The following ARL15 variants were observed in gnomAD, a reference collection of about 807,000 sequenced individuals.
The protein encoded by ARL15 is ARF like GTPase 15.
ARL15 carries 19 observed loss-of-function variants against 25.2 expected under a neutral mutation model. The observed-to-expected ratio is 0.75, with a 90% CI of 0.53 to 1.10. ARL15 has a LOEUF of 1.10. Ranked by LOEUF, ARL15 falls within the 50% of genes least tolerant of loss-of-function variation. The pLI is 0.00. For missense variants in ARL15, 220 were observed against 246.0 expected (o/e 0.89, Z 0.71); for synonymous variants, 94 against 86.8 (o/e 1.08, Z -0.46).
intron 1 of ARL15, among the ~76,000 whole-genome samples, chr5:54,207,439 C>T (rs1375059908): frequency 6.6e-6 from 1 of 152,196 alleles, no homozygotes; most frequent in African/African-American, 2.4e-5. Context: ...ACTGCACCTA[C>T]ACTTTCTGAC....
At chr5:53,992,772 G>T (rs1748545259) in intron 4 of ARL15, among the ~76,000 whole-genome samples, 1 of 152,146 alleles carries the variant, frequency 6.6e-6, no homozygotes, top group Non-Finnish European at 1.5e-5. Context: ...TGCATGAAAA[G>T]GTCACAGGCC....
intron 4 of ARL15, among the ~76,000 whole-genome samples, chr5:53,973,614 T>G (rs1747824400): frequency 6.7e-6 from 1 of 148,324 alleles, no homozygotes; most frequent in African/African-American, 2.5e-5. Context: ...TGTTGTGCCA[T>G]GTACCTATAG....
intron 4 of ARL15, among the ~76,000 whole-genome samples, chr5:53,998,558 T>TA (rs1748759965): frequency 6.6e-6 from 1 of 152,062 alleles, no homozygotes; most frequent in African/African-American, 2.4e-5. Flanking sequence ...GGGACTTCTG[T>TA]AAGGAGGACA....
At chr5:53,966,928 G>C (rs1285394198) in intron 4 of ARL15, among the ~76,000 whole-genome samples, 1 of 152,124 alleles carries the variant, frequency 6.6e-6, no homozygotes, top group Non-Finnish European at 1.5e-5. Flanking sequence ...TGAAATGTTG[G>C]AAAGATCCTA....
intron 1 of ARL15, among the ~76,000 whole-genome samples, chr5:54,173,417 T>C (rs1754778270): frequency 6.6e-6 from 1 of 152,084 alleles, no homozygotes. Flanking sequence ...TTTTGGGTCA[T>C]CTGGAGATTA....
intron 4 of ARL15, among the ~76,000 whole-genome samples, chr5:53,945,383 A>T (rs558222169): frequency 6.6e-6 from 1 of 152,364 alleles, no homozygotes; most frequent in South Asian, 2.1e-4. Context: ...TTGTAGAAGC[A>T]GGGGTTTGTA....
At chr5:53,986,586 A>G (rs1664788) in intron 4 of ARL15, among the ~76,000 whole-genome samples, 54,985 of 152,132 alleles carry the variant, frequency 0.36, 10,733 homozygotes, top group Middle Eastern at 0.46. Context: ...GTGGTCTCTG[A>G]CTATGCTTTG....
chr5:54,276,348 A>G (rs568796912), intron 1 of ARL15, among the ~76,000 whole-genome samples: 3 of 152,342 alleles, frequency 2.0e-5, no homozygotes, highest in Admixed American at 1.3e-4. Flanking sequence ...CCAAATGGTC[A>G]TATATTAAAT....
At chr5:54,236,546 G>A (rs140445413) in intron 1 of ARL15, among the ~76,000 whole-genome samples, 10 of 152,092 alleles carry the variant, frequency 6.6e-5, no homozygotes, top group African/African-American at 1.7e-4. Flanking sequence ...TGTATGCTTC[G>A]TCTGTCATTC....
At chr5:54,277,212 A>T (rs148498377) in intron 1 of ARL15, among the ~76,000 whole-genome samples, 90 of 152,246 alleles carry the variant, frequency 5.9e-4, no homozygotes, top group African/African-American at 2.0e-3. Context: ...CAATAGTAAC[A>T]TACAATTGTT....
At chr5:54,249,795 A>C (rs26886) in intron 1 of ARL15, among the ~76,000 whole-genome samples, 113,532 of 151,960 alleles carry the variant, frequency 0.75, 43,104 homozygotes, top group Non-Finnish European at 0.79. Flanking sequence ...GCTTGTAAGT[A>C]ATTAATCAGT....
intron 4 of ARL15, among the ~76,000 whole-genome samples, chr5:54,058,668 G>T (rs1205403972): frequency 6.6e-6 from 1 of 152,162 alleles, no homozygotes; most frequent in African/African-American, 2.4e-5. Flanking sequence ...GAGCAGAAGC[G>T]GGACAGTGTG....
At chr5:53,910,279 A>C (rs931147050) in intron 4 of ARL15, among the ~76,000 whole-genome samples, 1 of 152,194 alleles carries the variant, frequency 6.6e-6, no homozygotes, top group African/African-American at 2.4e-5. Flanking sequence ...TGAAAGGGCC[A>C]GATCATCCAT....
At chr5:54,108,589 G>T (rs1752652181) in intron 4 of ARL15, among the ~76,000 whole-genome samples, 1 of 152,130 alleles carries the variant, frequency 6.6e-6, no homozygotes, top group Admixed American at 6.5e-5. Context: ...TTTAATAAAA[G>T]ATTTGTCACA....
chr5:53,994,035 A>AATG (rs887344614), intron 4 of ARL15, among the ~76,000 whole-genome samples: 3 of 152,194 alleles, frequency 2.0e-5, no homozygotes, highest in Admixed American at 2.0e-4. Context: ...GGGGTAAATG[A>AATG]ATGAGCTGAA....
At chr5:54,239,851 T>C (rs77213427) in intron 1 of ARL15, among the ~76,000 whole-genome samples, 1,801 of 152,268 alleles carry the variant, frequency 0.012, 37 homozygotes, top group African/African-American at 0.041. Context: ...CTAGACTATT[T>C]ACCTGCAAGT....
chr5:54,088,150 T>G (rs1295715444), intron 4 of ARL15, among the ~76,000 whole-genome samples: 1 of 151,876 alleles, frequency 6.6e-6, no homozygotes, highest in Non-Finnish European at 1.5e-5. Flanking sequence ...TATGGGAAGG[T>G]GATAAAGAAG....
chr5:54,284,115 G>C (rs1264875487), intron 1 of ARL15, among the ~76,000 whole-genome samples: 1 of 152,074 alleles, frequency 6.6e-6, no homozygotes, highest in Non-Finnish European at 1.5e-5. Flanking sequence ...GTAACTTTTT[G>C]TTTTCTGAGA....
At chr5:54,199,227 A>G (rs1315424271) in intron 1 of ARL15, among the ~76,000 whole-genome samples, 1 of 152,192 alleles carries the variant, frequency 6.6e-6, no homozygotes, top group African/African-American at 2.4e-5. Context: ...TATTCAGGAC[A>G]TAGGCATGGG....
Sources: gnomAD v4.1 joint callset for allele counts (sites outside exome capture counted in the v4.1 genomes callset) on GRCh38, gnomAD v4.1.1 for gene constraint, MANE v1.5 for transcripts, NCBI Gene and HGNC (gene_info 2026-07-23, HGNC 2026-07-21) for gene names.